The following SPIRE1 variants were observed in gnomAD, a reference collection of about 807,000 sequenced individuals.
The protein encoded by SPIRE1 is spire type actin nucleation factor 1.
A neutral mutation model predicts 94.1 loss-of-function variants in SPIRE1; 40 were observed. The observed-to-expected ratio is 0.43, with a 90% confidence interval of 0.33 to 0.55. The LOEUF is 0.55. SPIRE1 is among the 20% of genes least tolerant of loss of function. The pLI is 0.06. For missense variants in SPIRE1, 838 were observed against 975.2 expected, an observed-to-expected ratio of 0.86 and a Z score of 1.87; for synonymous variants, 376 against 371.7, an observed-to-expected ratio of 1.01 and a Z score of -0.13.
intron 12 of SPIRE1, among the ~76,000 whole-genome samples, chr18:12,458,335 G>A (rs185408015): frequency 6.6e-6 from 1 of 151,838 alleles, no homozygotes; most frequent in Admixed American, 6.6e-5. Flanking sequence ...GTGAAGGCCA[G>A]GCGCAGTGGC....
intron 2 of SPIRE1, among the ~76,000 whole-genome samples, chr18:12,598,692 GATTGTC>G (rs1682144838): frequency 6.6e-6 from 1 of 152,102 alleles, no homozygotes; most frequent in Non-Finnish European, 1.5e-5. Flanking sequence ...ATGCAGCCCT[GATTGTC>G]ACTGGCAATC....
At chr18:12,646,434 A>G (rs866998480) in intron 1 of SPIRE1, among the ~76,000 whole-genome samples, 1 of 152,156 alleles carries the variant, frequency 6.6e-6, no homozygotes, top group African/African-American at 2.4e-5. Context: ...TATCGTCAAC[A>G]TCTGGCACAG....
chr18:12,597,225 C>T (rs1204417578), intron 2 of SPIRE1, among the ~76,000 whole-genome samples: 1 of 150,080 alleles, frequency 6.7e-6, no homozygotes, highest in Non-Finnish European at 1.5e-5. Context: ...GAGACAGAAC[C>T]ACTCTTGATA....
intron 2 of SPIRE1, among the ~76,000 whole-genome samples, chr18:12,556,402 ATAATAC>A (rs1298115130): frequency 6.6e-6 from 1 of 152,240 alleles, no homozygotes; most frequent in African/African-American, 2.4e-5. Context: ...TTAACTTTAA[ATAATAC>A]TACAAATATA....
At chr18:12,531,950 C>CTCT in intron 4 of SPIRE1, among the ~76,000 whole-genome samples, 1 of 152,208 alleles carries the variant, frequency 6.6e-6, no homozygotes. Context: ...GGCAGGGTGG[C>CTCT]TCTTCTTTCA....
At chr18:12,611,864 A>T (rs1013619454) in intron 2 of SPIRE1, among the ~76,000 whole-genome samples, 6 of 151,540 alleles carry the variant, frequency 4.0e-5, no homozygotes, top group African/African-American at 1.5e-4. Flanking sequence ...AGTAGAGAAG[A>T]AGTCTCACTA....
intron 8 of SPIRE1, among the ~76,000 whole-genome samples, chr18:12,491,444 G>A (rs1163455034): frequency 1.3e-5 from 2 of 151,820 alleles, no homozygotes; most frequent in Admixed American, 6.6e-5. Flanking sequence ...AAACAACAGT[G>A]GAACAGAACA....
intron 2 of SPIRE1, among the ~76,000 whole-genome samples, chr18:12,631,321 T>TA (rs2037766523): frequency 6.6e-6 from 1 of 151,870 alleles, no homozygotes; most frequent in Admixed American, 6.6e-5. Context: ...CATTAAATGT[T>TA]AATAACATTT....
chr18:12,566,073 C>T (rs2035813257), intron 2 of SPIRE1, among the ~76,000 whole-genome samples: 1 of 151,518 alleles, frequency 6.6e-6, no homozygotes, highest in Non-Finnish European at 1.5e-5. Flanking sequence ...TGGTAGCTCC[C>T]TCCTATAATC....
At chr18:12,611,857 A>T (rs1166615710) in intron 2 of SPIRE1, among the ~76,000 whole-genome samples, 2 of 150,196 alleles carry the variant, frequency 1.3e-5, no homozygotes, top group Admixed American at 6.6e-5. Flanking sequence ...GTATTTTAGT[A>T]GAGAAGAAGT....
Position 12,454,363 on chromosome 18 carries a change from C to A in SPIRE1, c.1759G>T (p.Ala587Ser), listed in dbSNP as rs149450365. The change falls in exon 13 of 17, where the codon GCC (alanine) becomes TCC (serine). Residue 587 changes from alanine (A) to serine (S), a missense_variant. By Grantham distance (99) the Ala-to-Ser change is moderately conservative. Transcript: ENST00000409402. Reference protein sequence around the residue: ...KYQQYKDIYTALKKGKLCFCC... With the variant: ...KYQQYKDIYTSLKKGKLCFCC... The stretch of plus-strand genomic sequence containing the variant: ...AGCACTACCTTTCCTTTTTTCAAGG[C>A]GGTGTAGATGTCTTTATACTGTTGG... The A allele has an allele frequency of 2.5e-6, 4 of 1,613,818 alleles. No homozygotes were observed. The African/African-American group carries it at 5.3e-5, about 22-fold the overall frequency.
At chr18:12,529,572 A>G (rs2034627283) in intron 4 of SPIRE1, among the ~76,000 whole-genome samples, 1 of 152,198 alleles carries the variant, frequency 6.6e-6, no homozygotes, top group African/African-American at 2.4e-5. Context: ...AAGAGTGCAA[A>G]GATCATTATA....
In SPIRE1 at chr18:12,489,583, C is replaced by T. The variant is rs141691716; in HGVS notation, c.1189+3489G>A. ...GAAAACAAATGATCAGAGACATGAA[C>T]AAAGACTGATGTACAAGAATAGTAA... On this transcript the variant is annotated intron_variant, in intron 8 of 16. Transcript: ENST00000409402. Among the ~76,000 whole-genome samples the T allele has an allele frequency of 1.1e-3, 170 of 152,132 alleles. 1 individual carries two copies. The highest frequency in any genetic ancestry group is 6.2e-3 in the East Asian group (32 of 5,168).
intron 2 of SPIRE1, among the ~76,000 whole-genome samples, chr18:12,549,439 GTTTTTTTTTTT>G (rs869122444): frequency 1.7e-4 from 7 of 41,248 alleles, no homozygotes; most frequent in Non-Finnish European, 2.3e-4. Context: ...TGTTATTGTT[GTTTTTTTTTTT>G]TTTTTTTTTT....
At chr18:12,618,672 C>T (rs369916979) in intron 2 of SPIRE1, among the ~76,000 whole-genome samples, 12 of 151,952 alleles carry the variant, frequency 7.9e-5, no homozygotes, top group South Asian at 2.1e-4. Context: ...TGGGCCAAAC[C>T]GAAAAGTTTG....
intron 2 of SPIRE1, among the ~76,000 whole-genome samples, chr18:12,572,836 A>G (rs901477535): frequency 5.9e-5 from 9 of 152,334 alleles, no homozygotes; most frequent in East Asian, 1.9e-4. Flanking sequence ...ATGAACAAGT[A>G]AAAATATGAA....
intron 3 of SPIRE1, among the ~76,000 whole-genome samples, chr18:12,541,503 G>A (rs1435955030): frequency 6.6e-6 from 1 of 152,088 alleles, no homozygotes; most frequent in African/African-American, 2.4e-5. Context: ...ATGTTACTAG[G>A]TGCACATAAA....
chr18:12,596,356 A>G (rs2036671748), intron 2 of SPIRE1, among the ~76,000 whole-genome samples: 1 of 152,200 alleles, frequency 6.6e-6, no homozygotes, highest in Non-Finnish European at 1.5e-5. Context: ...TGCCTTTGTC[A>G]TTGCATAGAC....
chr18:12,648,440 C>T (rs2038285148), intron 1 of SPIRE1, among the ~76,000 whole-genome samples: 1 of 152,096 alleles, frequency 6.6e-6, no homozygotes, highest in Non-Finnish European at 1.5e-5. Context: ...ATAAAAATAC[C>T]AGGCAAGTCC....
Sources: gnomAD v4.1 joint callset for allele counts (sites outside exome capture counted in the v4.1 genomes callset) on GRCh38, gnomAD v4.1.1 for gene constraint, MANE v1.5 for transcripts, NCBI Gene and HGNC (gene_info 2026-07-23, HGNC 2026-07-21) for gene names.